The following ROBO2 variants were observed in gnomAD, a reference collection of about 807,000 sequenced individuals.
ROBO2 encodes the protein roundabout homolog 2.
A neutral mutation model predicts 160.8 loss-of-function variants in ROBO2; 53 were observed. The ratio of observed to expected loss-of-function variants is 0.33; its 90% CI spans 0.26 to 0.41. The LOEUF is 0.41. Ranked by LOEUF, ROBO2 falls within the 10% of genes least tolerant of loss-of-function variation. The pLI, the probability that ROBO2 is intolerant of heterozygous loss-of-function variation, is 1.00. For missense variants in ROBO2, 1,577 were observed against 1,722.4 expected (o/e 0.92, Z 1.49); for synonymous variants, 664 against 611.7 (o/e 1.09, Z -1.26).
At chr3:76,931,395 T>C (rs879583454) in intron 2 of ROBO2, among the ~76,000 whole-genome samples, 10 of 152,174 alleles carry the variant, frequency 6.6e-5, no homozygotes, top group Admixed American at 2.0e-4. Context: ...TAGATTTCCA[T>C]TGGAGACACA....
intron 2 of ROBO2, among the ~76,000 whole-genome samples, chr3:76,623,568 A>C (rs2089388433): frequency 1.3e-5 from 2 of 152,204 alleles, no homozygotes; most frequent in African/African-American, 4.8e-5. Context: ...TGTGTCTGAC[A>C]CATTTTATCC....
At chr3:77,241,813 A>T (rs2089084307) in intron 2 of ROBO2, among the ~76,000 whole-genome samples, 2 of 152,234 alleles carry the variant, frequency 1.3e-5, no homozygotes, top group Admixed American at 1.3e-4. Context: ...CAAACTAAGT[A>T]TCAAGAAAAG....
At chr3:76,227,378 A>T (rs187225511) in intron 2 of ROBO2, among the ~76,000 whole-genome samples, 1 of 152,146 alleles carries the variant, frequency 6.6e-6, no homozygotes, top group African/African-American at 2.4e-5. Context: ...TCTTTTTCTG[A>T]GTGGATAAAA....
chr3:76,810,967 A>T (rs927069966), intron 2 of ROBO2, among the ~76,000 whole-genome samples: 1 of 152,148 alleles, frequency 6.6e-6, no homozygotes, highest in African/African-American at 2.4e-5. Flanking sequence ...TGCCTAATGA[A>T]CCATTTTAAT....
chr3:76,319,199 C>G (rs544152203), intron 2 of ROBO2, among the ~76,000 whole-genome samples: 1 of 152,106 alleles, frequency 6.6e-6, no homozygotes, highest in East Asian at 1.9e-4. Flanking sequence ...GAAATGAAAA[C>G]AAAGGATCAC....
intron 2 of ROBO2, among the ~76,000 whole-genome samples, chr3:76,261,224 G>A (rs1706739362): frequency 7.1e-6 from 1 of 141,322 alleles, no homozygotes; most frequent in Non-Finnish European, 1.6e-5. Context: ...ATAAATGACA[G>A]CTTCCTATGA....
intron 1 of ROBO2, among the ~76,000 whole-genome samples, chr3:77,097,681 A>T (rs1475413264): frequency 6.6e-6 from 1 of 152,156 alleles, no homozygotes; most frequent in Non-Finnish European, 1.5e-5. Flanking sequence ...TATAATAAGC[A>T]ATCTGAGGAC....
At chr3:76,398,625 A>G (rs1019488899) in intron 2 of ROBO2, among the ~76,000 whole-genome samples, 2 of 151,740 alleles carry the variant, frequency 1.3e-5, no homozygotes, top group African/African-American at 4.8e-5. Context: ...TATACACTAA[A>G]CTAATATAAA....
At chr3:76,168,564 C>T (rs2072920415) in intron 2 of ROBO2, among the ~76,000 whole-genome samples, 1 of 152,016 alleles carries the variant, frequency 6.6e-6, no homozygotes, top group Admixed American at 6.6e-5. Flanking sequence ...TTTGTTTATT[C>T]CATTTAGGTC....
intron 2 of ROBO2, among the ~76,000 whole-genome samples, chr3:76,943,540 T>C (rs2078329575): frequency 6.6e-6 from 1 of 152,196 alleles, no homozygotes; most frequent in Non-Finnish European, 1.5e-5. Context: ...TTAATACGAT[T>C]GCTTCTTTGT....
At chr3:76,033,718 G>A (rs929688971) in intron 2 of ROBO2, among the ~76,000 whole-genome samples, 10 of 152,194 alleles carry the variant, frequency 6.6e-5, no homozygotes, top group African/African-American at 2.4e-4. Flanking sequence ...ATGATTGAAT[G>A]GTTTTGGCTG....
intron 2 of ROBO2, among the ~76,000 whole-genome samples, chr3:77,422,808 G>A (rs779036260): frequency 1.2e-4 from 19 of 152,202 alleles, no homozygotes; most frequent in Admixed American, 2.6e-4. Flanking sequence ...TTATAAAAGC[G>A]TAGAAGGCAT....
chr3:76,123,822 C>T (rs760524151), intron 2 of ROBO2, among the ~76,000 whole-genome samples: 2 of 152,120 alleles, frequency 1.3e-5, no homozygotes, highest in African/African-American at 4.8e-5. Flanking sequence ...ATCCCTACTG[C>T]TTCACATCAT....
chr3:76,533,630 G>C (rs543766579), intron 2 of ROBO2, among the ~76,000 whole-genome samples: 4 of 152,348 alleles, frequency 2.6e-5, no homozygotes, highest in African/African-American at 9.6e-5. Flanking sequence ...GAGCAACAAG[G>C]CTGCTTATTC....
In ROBO2 at chr3:77,438,032, A is replaced by G. The variant is rs563167120; in HGVS notation, c.389-39382A>G. Among the ~76,000 whole-genome samples, 6 of 152,118 alleles carry G rather than the reference A, an allele frequency of 3.9e-5. No individual in the cohort carries two copies. The South Asian group carries it at 1.2e-3, about 31-fold the overall frequency. On this transcript the variant is annotated intron_variant, in intron 2 of 25. Transcript: ENST00000461745. ...CTATAATACCATATACATGATTAAT[A>G]GGAGGTTTTTACTGTCTTATAATAA...
Position 76,446,537 on chromosome 3 carries a change from C to A in ROBO2, c.109+508935C>A, listed in dbSNP as rs1215176707. ...ACTTTCTTCACAGAATTGGAAAAAA[C>A]TACTTTAAAGTTCACGTGGAACCAA... On this transcript the variant is annotated intron_variant, in intron 2 of 26. Coordinates refer to the ROBO2 transcript ENST00000487694. Among the ~76,000 whole-genome samples the A allele has an allele frequency of 4.6e-5, 7 of 152,238 alleles. No individual in the cohort carries two copies. In the South Asian group the frequency reaches 1.4e-3, roughly 32 times the overall value.
chr3:76,928,275 TC>T (rs940470203), intron 2 of ROBO2, among the ~76,000 whole-genome samples: 1 of 151,880 alleles, frequency 6.6e-6, no homozygotes, highest in African/African-American at 2.4e-5. Context: ...GGGAACAAAT[TC>T]CCCCCAGAGC....
chr3:77,426,538 A>G (rs1468579962), intron 2 of ROBO2, among the ~76,000 whole-genome samples: 2 of 151,954 alleles, frequency 1.3e-5, no homozygotes, highest in Non-Finnish European at 2.9e-5. Flanking sequence ...CTTGATCATA[A>G]AGGGGGAAAC....
intron 2 of ROBO2, among the ~76,000 whole-genome samples, chr3:76,381,832 C>T (rs751497281): frequency 3.9e-5 from 6 of 152,132 alleles, no homozygotes; most frequent in Admixed American, 6.5e-5. Context: ...TTATGTGTCA[C>T]TGCTAATAAG....
Sources: gnomAD v4.1 joint callset for allele counts (sites outside exome capture counted in the v4.1 genomes callset) on GRCh38, gnomAD v4.1.1 for gene constraint, MANE v1.5 for transcripts, NCBI Gene and HGNC (gene_info 2026-07-23, HGNC 2026-07-21) for gene names.